The following SLC10A7 variants were observed in gnomAD, a reference collection of about 807,000 sequenced individuals.
SLC10A7 encodes sodium/bile acid cotransporter 7.
SLC10A7 carries 29 observed loss-of-function variants against 43.2 expected under a neutral mutation model. The observed-to-expected ratio is 0.67, with a 90% CI of 0.50 to 0.92. SLC10A7 has a LOEUF of 0.92. Among genes scored for constraint, SLC10A7 ranks in the 40% least tolerant of loss-of-function variants. The pLI is 0.00. For missense variants in SLC10A7, 295 were observed against 403.2 expected, an observed-to-expected ratio of 0.73 and a Z score of 2.30; for synonymous variants, 152 against 144.8, an observed-to-expected ratio of 1.05 and a Z score of -0.35.
intron 5 of SLC10A7, among the ~76,000 whole-genome samples, chr4:146,436,472 G>C (rs1424615334): frequency 6.6e-6 from 1 of 151,990 alleles, no homozygotes. Flanking sequence ...ATGATCTAGT[G>C]AAAGAAACAC....
At chr4:146,343,256 C>A (rs1734391997) in intron 5 of SLC10A7, among the ~76,000 whole-genome samples, 1 of 151,988 alleles carries the variant, frequency 6.6e-6, no homozygotes, top group Non-Finnish European at 1.5e-5. Context: ...TATAGAGCTA[C>A]TAATTCAAAT....
chr4:146,300,121 G>A (rs926335871), intron 7 of SLC10A7, among the ~76,000 whole-genome samples: 2 of 152,144 alleles, frequency 1.3e-5, no homozygotes, highest in Non-Finnish European at 2.9e-5. Context: ...TGGGTAAGAA[G>A]GGAAGTAAAG....
At chr4:146,462,885 C>G (rs1014694765) in intron 4 of SLC10A7, among the ~76,000 whole-genome samples, 2 of 152,264 alleles carry the variant, frequency 1.3e-5, no homozygotes, top group Admixed American at 1.3e-4. Context: ...TGTGAAGATA[C>G]TCTCAGAAGG....
At chr4:146,481,146 CCCCGGA>C (rs1734438720) in intron 4 of SLC10A7, among the ~76,000 whole-genome samples, 2 of 152,126 alleles carry the variant, frequency 1.3e-5, no homozygotes, top group Admixed American at 6.5e-5. Flanking sequence ...TACAGAAGCT[CCCCGGA>C]CTGCTGTAGC....
chr4:146,423,968 C>CA (rs1029933195), intron 5 of SLC10A7, among the ~76,000 whole-genome samples: 1 of 152,156 alleles, frequency 6.6e-6, no homozygotes, highest in Non-Finnish European at 1.5e-5. Context: ...ACCTATCTTA[C>CA]AAAAAACAAT....
intron 7 of SLC10A7, among the ~76,000 whole-genome samples, chr4:146,294,583 C>T (rs929405364): frequency 6.6e-6 from 1 of 152,110 alleles, no homozygotes; most frequent in South Asian, 2.1e-4. Flanking sequence ...TAGCAATGCA[C>T]CAGAAGTTTT....
intron 9 of SLC10A7, among the ~76,000 whole-genome samples, chr4:146,289,706 GTTTTTTTT>G (rs776153195): frequency 3.4e-5 from 3 of 88,070 alleles, no homozygotes; most frequent in Admixed American, 1.2e-4. Context: ...CTGATTATTA[GTTTTTTTT>G]TTTTTTTTTT....
At chr4:146,474,895 A>G (rs1483126202) in intron 4 of SLC10A7, among the ~76,000 whole-genome samples, 1 of 152,082 alleles carries the variant, frequency 6.6e-6, no homozygotes, top group Non-Finnish European at 1.5e-5. Context: ...GCACATTCCT[A>G]TATTTGAAAT....
chr4:146,496,951 A>C (rs1735954958), intron 4 of SLC10A7, among the ~76,000 whole-genome samples: 1 of 152,168 alleles, frequency 6.6e-6, no homozygotes, highest in African/African-American at 2.4e-5. Context: ...TTGGTTGAAT[A>C]CTGTATTCTA....
intron 4 of SLC10A7, among the ~76,000 whole-genome samples, chr4:146,467,973 G>A (rs1167224727): frequency 6.6e-6 from 1 of 152,184 alleles, no homozygotes; most frequent in African/African-American, 2.4e-5. Flanking sequence ...AGATTAGAGA[G>A]AGGTAGGTGG....
chr4:146,518,352 A>G (rs887263334), intron 1 of SLC10A7, among the ~76,000 whole-genome samples: 1 of 152,186 alleles, frequency 6.6e-6, no homozygotes, highest in African/African-American at 2.4e-5. Flanking sequence ...ATGTGCTACT[A>G]ACATCTAGTG....
In SLC10A7 at chr4:146,254,649, G is replaced by C. The variant is rs1231175484; in HGVS notation, c.*1842C>G. 2 of 152,208 alleles carry C rather than the reference G, an allele frequency of 1.3e-5. No individual in the cohort carries two copies. Among genetic ancestry groups the C allele is most frequent in the Non-Finnish European group, 2.9e-5 (2 of 68,046 alleles). The allele number at this position is 152,208 out of a possible 1,614,324, so 9.4% of individuals were successfully genotyped here. On this transcript the variant is annotated 3_prime_UTR_variant, in exon 12 of 12. Coordinates refer to ENST00000335472, the MANE Select transcript of SLC10A7 (RefSeq NM_001029998.6). ...GGTGTTAGACAATAGAGGTAGATAA[G>C]TTGGGGGCGGGGATCAGTATTTTAA...
In SLC10A7 at chr4:146,339,517, G is replaced by A. The variant is rs1385919978; in HGVS notation, c.436-13521C>T. Among the ~76,000 whole-genome samples, 3 of 151,878 alleles carry A rather than the reference G, an allele frequency of 2.0e-5. No individual in the cohort carries two copies. The East Asian group carries it at 5.8e-4, about 29-fold the overall frequency. On this transcript the variant is annotated intron_variant, in intron 5 of 11. Coordinates refer to ENST00000335472, the MANE Select transcript of SLC10A7 (RefSeq NM_001029998.6). ...AGAGAGGCTTCAGTCAGGAGAAGGAGGTGGATTAACCAATGGTCCTAAGAA... is the reference window on the plus strand; with the variant it reads ...AGAGAGGCTTCAGTCAGGAGAAGGAAGTGGATTAACCAATGGTCCTAAGAA...
At chr4:146,352,263 C>A (rs1441094818) in intron 5 of SLC10A7, among the ~76,000 whole-genome samples, 2 of 92,958 alleles carry the variant, frequency 2.2e-5, no homozygotes, top group Non-Finnish European at 4.2e-5. Context: ...AGACTTTAAA[C>A]CAACAAAGAT....
intron 5 of SLC10A7, among the ~76,000 whole-genome samples, chr4:146,390,283 G>A (rs1738329406): frequency 1.3e-5 from 2 of 152,102 alleles, no homozygotes; most frequent in South Asian, 4.1e-4. Flanking sequence ...GTTATTAAAG[G>A]CTTAACATTA....
intron 3 of SLC10A7, among the ~76,000 whole-genome samples, chr4:146,504,569 T>G (rs564778882): frequency 6.6e-6 from 1 of 151,284 alleles, no homozygotes; most frequent in South Asian, 2.1e-4. Context: ...AATCATTTGG[T>G]AAGTGTATAT....
chr4:146,493,757 A>T (rs1042382896), intron 4 of SLC10A7, among the ~76,000 whole-genome samples: 3 of 152,214 alleles, frequency 2.0e-5, no homozygotes, highest in African/African-American at 7.2e-5. Flanking sequence ...ATTCCAGGTT[A>T]TGACAAGAAA....
intron 5 of SLC10A7, among the ~76,000 whole-genome samples, chr4:146,355,905 G>T (rs1419530054): frequency 9.4e-6 from 1 of 106,382 alleles, no homozygotes; most frequent in African/African-American, 3.6e-5. Flanking sequence ...GGGGGGAGGG[G>T]GGAGGGATAG....
In SLC10A7 at chr4:146,351,761, C is replaced by G. The variant is rs1237733249; in HGVS notation, c.436-25765G>C. ...TTCTTAAAGAAAAGAATTTTCAACC[C>G]AGAATTTCATATCCAGCCAAACTAA... On this transcript the variant is annotated intron_variant, in intron 5 of 11. Transcript: ENST00000335472. Among the ~76,000 whole-genome samples, 14 of 140,714 alleles carry G rather than the reference C, an allele frequency of 9.9e-5. No individual in the cohort carries two copies. In the East Asian group the frequency reaches 2.7e-3, roughly 28 times the overall value. The allele number at this position is 140,714 out of a possible 152,430, so 92.3% of individuals were successfully genotyped here.
Sources: gnomAD v4.1 joint callset for allele counts (sites outside exome capture counted in the v4.1 genomes callset) on GRCh38, gnomAD v4.1.1 for gene constraint, MANE v1.5 for transcripts, NCBI Gene and HGNC (gene_info 2026-07-23, HGNC 2026-07-21) for gene names.